The following HTT variants were observed in gnomAD, a reference collection of about 807,000 sequenced individuals.
The protein encoded by HTT is huntington disease protein.
In HTT, 104 loss-of-function variants were observed where a neutral mutation model predicts 362.3. The observed-to-expected ratio is 0.29, with a 90% confidence interval of 0.24 to 0.34. The LOEUF (loss-of-function observed/expected upper bound fraction) is 0.34, where lower values mean the gene tolerates loss of function less well. Among genes scored for constraint, HTT ranks in the 10% least tolerant of loss-of-function variants. The pLI is 1.00. For synonymous variants in HTT, 1,577 were observed against 1,548.7 expected (o/e 1.02, Z -0.43); for missense variants, 3,301 against 3,928.6 (o/e 0.84, Z 4.27).
At chr4:3,125,094 T>A (rs1715461769) in intron 10 of HTT, among the ~76,000 whole-genome samples, 2 of 152,160 alleles carry the variant, frequency 1.3e-5, no homozygotes, top group African/African-American at 4.8e-5. Context: ...TCTAGAAAAT[T>A]AAAAGATAAT....
In HTT at chr4:3,233,341, A is replaced by G. The variant is rs1560606326; in HGVS notation, c.8444A>G (p.Lys2815Arg). 5 of 1,600,712 alleles carry G rather than the reference A, an allele frequency of 3.1e-6. No individual in the cohort carries two copies. Among genetic ancestry groups the G allele is most frequent in the Non-Finnish European group, 4.3e-6 (5 of 1,169,882 alleles). The change falls in exon 61 of 67, where the codon AAA becomes AGA. Residue 2815 changes from lysine to arginine, a missense_variant. Lys to Arg is a conservative substitution (Grantham distance 26). Coordinates refer to ENST00000355072, the MANE Select transcript of HTT (RefSeq NM_001388492.1). ...AGCGACTATCTCCTCTCCAACCTGA[A>G]AGGGATCGCCCAGTGAGTGGGAGCC... The part of the protein sequence containing the change: ...VISDYLLSNL[K>R]GIAHCVNIHS...
In HTT at chr4:3,074,927, G is replaced by GCCA; in HGVS notation, c.103_104insCAC (p.Gln34_Gln35insPro). ...AGCAGCAGCAGCAGCAGCAGCAGCA[G>GCCA]CAGCAGCAACAGCCGCCACCGCCGC... On this transcript the variant is annotated inframe_insertion, in exon 1 of 67. Coordinates refer to ENST00000355072, the MANE Select transcript of HTT (RefSeq NM_001388492.1). 7.8e-7 allele frequency: 1 copy of GCCA among 1,278,522 alleles called. No individual in the cohort carries two copies. Among genetic ancestry groups the GCCA allele is most frequent in the South Asian group, 1.4e-5 (1 of 72,880 alleles). 79.2% of individuals were successfully genotyped at this position (1,278,522 alleles called of 1,614,324 possible). A position where few individuals can be genotyped will look rare whatever the true frequency, so the allele number is the denominator to read the frequency against.
At position 3,135,052 on chromosome 4, in the gene HTT, A is replaced by AT. The variant is rs888218300; in HGVS notation, c.2633+523dup. On this transcript the variant is annotated intron_variant, in intron 19 of 66. Transcript: ENST00000355072. ...TTTTAAAATATAAGTAGAAGAGTAGATTTTTTTTTTTGGTAGTCCTCGTCA... is the reference window on the plus strand; with the variant it reads ...TTTTAAAATATAAGTAGAAGAGTAGATTTTTTTTTTTTGGTAGTCCTCGTCA... Among the ~76,000 whole-genome samples the AT allele has an allele frequency of 1.9e-3, 278 of 148,152 alleles. 1 individual carries two copies. The highest frequency in any genetic ancestry group is 3.4e-3 in the Middle Eastern group (1 of 290).
chr4:3,223,212 C>T (rs934579742), intron 54 of HTT, among the ~76,000 whole-genome samples, 194 bp from the exon 55 acceptor site: 1 of 152,190 alleles, frequency 6.6e-6, no homozygotes, highest in African/African-American at 2.4e-5. Flanking sequence ...GGGCTTTTGC[C>T]CATCAGATTG....
chr4:3,202,119 C>T (rs1436527979), intron 41 of HTT, among the ~76,000 whole-genome samples: 2 of 152,162 alleles, frequency 1.3e-5, no homozygotes, highest in African/African-American at 2.4e-5. Context: ...TGTCTTACCT[C>T]TTGGTGAACT....
At position 3,074,899 on chromosome 4, in the gene HTT, AGCAGCAGCAGCAGCAGCAGCAGCAGCAG is replaced by A; in HGVS notation, c.75_102del (p.Gln25HisfsTer67). The A allele has an allele frequency of 2.0e-6, 3 of 1,487,684 alleles. No homozygotes were observed. The highest frequency in any genetic ancestry group is 1.8e-6 in the Non-Finnish European group (2 of 1,119,962). The allele number at this position is 1,487,684 out of a possible 1,614,324, so 92.2% of individuals were successfully genotyped here. On this transcript the variant is annotated frameshift_variant, in exon 1 of 67. Transcript: ENST00000355072. LOFTEE classifies it high-confidence loss of function. ...TTCCAGCAGCAGCAGCAGCAGCAGC[AGCAGCAGCAGCAGCAGCAGCAGCAGCAG>A]CAGCAGCAACAGCCGCCACCGCCGC...
chr4:3,132,889 A>G lies in HTT; in HGVS notation c.2471A>G (p.Lys824Arg). The stretch of plus-strand genomic sequence containing the variant: ...AAGGATGAGTCTTCTGTTACTTGCA[A>G]GTTAGCTTGTACAGCTGTGAGGGTG... ...TLKDESSVTC[K>R]LACTAVRNCV... The change falls in exon 18 of 67, where the codon AAG (lysine) becomes AGG (arginine). Residue 824 changes from lysine to arginine, a missense_variant. Around this residue, in one of 4 missense-constraint regions of HTT, gnomAD observed 2,316 missense variants for 2,658.5 expected, o/e 0.87. Coordinates refer to ENST00000355072, the MANE Select transcript of HTT (RefSeq NM_001388492.1). 1 of 1,613,496 alleles carries G rather than the reference A, an allele frequency of 6.2e-7. No individual in the cohort carries two copies. Among genetic ancestry groups the G allele is most frequent in the Non-Finnish European group, 8.5e-7 (1 of 1,179,388 alleles).
At chr4:3,160,413 C>A in intron 29 of HTT, 21 bp downstream of exon 29, 1 of 1,466,174 alleles carries the variant, frequency 6.8e-7, no homozygotes, top group Admixed American at 2.0e-5. Context: ...TGTTTTTTCT[C>A]CTTGGGTTGT....
chr4:3,075,058 C>A lies in HTT; in HGVS notation c.233C>A (p.Pro78Gln), dbSNP rs1050799427. ...PPPPPPPPPG[P>Q]AVAEEPLHRP... ...CCGCCGCCCCCGCCGCCACCCGGCCCGGCTGTGGCTGAGGAGCCGCTGCAC... is the reference window on the plus strand; with the variant it reads ...CCGCCGCCCCCGCCGCCACCCGGCCAGGCTGTGGCTGAGGAGCCGCTGCAC... The change falls in exon 1 of 67, where the codon CCG becomes CAG. Residue 78 changes from proline to glutamine, a missense_variant. This residue lies in a region of HTT where 2,316 missense variants were observed against 2,658.5 expected (regional missense o/e 0.87). Transcript: ENST00000355072. The A allele has an allele frequency of 4.8e-6, 6 of 1,247,984 alleles. No individual in the cohort carries two copies. The Admixed American group carries it at 1.3e-4, about 27-fold the overall frequency. The allele number at this position is 1,247,984 out of a possible 1,614,324, so 77.3% of individuals were successfully genotyped here.
At chr4:3,235,240 T>G in intron 61 of HTT, 44 bp from the exon 62 acceptor site, 2 of 1,336,088 alleles carry the variant, frequency 1.5e-6, no homozygotes, top group Non-Finnish European at 1.1e-6. Context: ...CCTCTCCACG[T>G]TGGATGGGGG....
chr4:3,114,984 T>A (rs1158930203), intron 6 of HTT, among the ~76,000 whole-genome samples: 1 of 151,994 alleles, frequency 6.6e-6, no homozygotes, highest in Non-Finnish European at 1.5e-5. Context: ...CTTTGTCATT[T>A]GTTGATTTTT....
chr4:3,193,179 G>A (rs556849208), intron 40 of HTT, among the ~76,000 whole-genome samples: 1 of 152,370 alleles, frequency 6.6e-6, no homozygotes, highest in African/African-American at 2.4e-5. Context: ...GCCTCTTCAT[G>A]GCCTCTGCAT....
chr4:3,158,910 T>C (rs1717305520), intron 28 of HTT, among the ~76,000 whole-genome samples: 1 of 152,186 alleles, frequency 6.6e-6, no homozygotes, highest in African/African-American at 2.4e-5. Context: ...GCTATCTGTT[T>C]ATTATTTTCC....
intron 41 of HTT, 77 bp downstream of exon 41, chr4:3,200,016 G>GCCAC: frequency 3.3e-6 from 4 of 1,230,346 alleles, no homozygotes; most frequent in Non-Finnish European, 4.6e-6. Flanking sequence ...CTGAGCTTTG[G>GCCAC]CCACCGTTAA....
chr4:3,187,597 A>G, intron 38 of HTT, 54 bp from the exon 39 acceptor site: 10 of 1,345,506 alleles, frequency 7.4e-6, no homozygotes, highest in Non-Finnish European at 1.1e-5. Context: ...AATTGGGGGA[A>G]ATTTAATCTT....
At chr4:3,203,601 A>G (rs981918802) in intron 41 of HTT, among the ~76,000 whole-genome samples, 1 of 152,264 alleles carries the variant, frequency 6.6e-6, no homozygotes, top group Non-Finnish European at 1.5e-5. Context: ...GGAAACGAAC[A>G]GTAAAACATG....
intron 10 of HTT, among the ~76,000 whole-genome samples, chr4:3,124,546 G>A (rs1337761335): frequency 6.6e-6 from 1 of 152,184 alleles, no homozygotes; most frequent in African/African-American, 2.4e-5. Flanking sequence ...TAGCTCTTGT[G>A]CCTTTGAGGA....
At chr4:3,170,290 G>C (rs1456810759) in intron 29 of HTT, among the ~76,000 whole-genome samples, 1 of 152,030 alleles carries the variant, frequency 6.6e-6, no homozygotes. Context: ...GCTTAGTTTA[G>C]GACTAATTTT....
intron 31 of HTT, among the ~76,000 whole-genome samples, chr4:3,173,906 C>G (rs1048417134): frequency 1.3e-5 from 2 of 152,036 alleles, no homozygotes; most frequent in Non-Finnish European, 2.9e-5. Flanking sequence ...CTCCTGACCT[C>G]GTGATCTGCC....
Sources: allele counts gnomAD v4.1 joint callset (sites outside exome capture counted in the v4.1 genomes callset), GRCh38; gene constraint gnomAD v4.1.1; regional missense constraint gnomAD v4.1.1; transcripts MANE v1.5; gene names NCBI Gene and HGNC (gene_info 2026-07-23, HGNC 2026-07-21).